The following NSD1 variants were observed in gnomAD, a reference collection of about 807,000 sequenced individuals.
NSD1 encodes histone-lysine N-methyltransferase, H3 lysine-36 specific.
NSD1 carries 26 observed loss-of-function variants against 242.7 expected under a neutral mutation model. The ratio of observed to expected loss-of-function variants is 0.11; its 90% CI spans 0.08 to 0.15. The LOEUF (loss-of-function observed/expected upper bound fraction) is 0.15, where lower values mean the gene tolerates loss of function less well. Among genes scored for constraint, NSD1 ranks in the 10% least tolerant of loss-of-function variants. NSD1 has a pLI of 1.00. For missense variants in NSD1, 2,495 were observed against 3,272.8 expected (o/e 0.76, Z 5.80); for synonymous variants, 1,106 against 1,178.1 (o/e 0.94, Z 1.25).
chr5:177,198,632 T>TGG (rs146774548), intron 3 of NSD1, among the ~76,000 whole-genome samples: 2 of 152,048 alleles, frequency 1.3e-5, no homozygotes, highest in Admixed American at 1.3e-4. Context: ...CACCAACATA[T>TGG]GGGGGGGTCA....
intron 3 of NSD1, among the ~76,000 whole-genome samples, chr5:177,195,857 C>G (rs556490618): frequency 7.8e-4 from 119 of 151,934 alleles, no homozygotes; most frequent in Non-Finnish European, 1.5e-3. Flanking sequence ...GAGTACTGTG[C>G]TAGGTTTTGG....
intron 3 of NSD1, among the ~76,000 whole-genome samples, chr5:177,197,929 A>G (rs1022674610): frequency 6.6e-6 from 1 of 152,166 alleles, no homozygotes; most frequent in African/African-American, 2.4e-5. Flanking sequence ...GGAGACAGAG[A>G]CAGAGAAGGG....
chr5:177,201,200 C>G (rs1001962959), intron 3 of NSD1, among the ~76,000 whole-genome samples: 4 of 151,642 alleles, frequency 2.6e-5, no homozygotes, highest in Non-Finnish European at 5.9e-5. Flanking sequence ...GCATCTGTGT[C>G]TTTTTTGTTG....
chr5:177,156,606 A>G (rs753352199), intron 2 of NSD1, among the ~76,000 whole-genome samples: 1 of 152,208 alleles, frequency 6.6e-6, no homozygotes, highest in Non-Finnish European at 1.5e-5. Context: ...GCTTGAGCCC[A>G]GGAGTTCAAG....
At chr5:177,265,352 A>AT (rs1757334112) in intron 14 of NSD1, 34 of 597,502 alleles carry the variant, frequency 5.7e-5, no homozygotes, top group South Asian at 4.3e-4. Context: ...TATAGTAAGA[A>AT]TTTTTTTTGT....
intron 14 of NSD1, among the ~76,000 whole-genome samples, chr5:177,262,650 A>G (rs1485105295): frequency 6.6e-6 from 1 of 152,222 alleles, no homozygotes; most frequent in Non-Finnish European, 1.5e-5. Context: ...AGGCTGAGGC[A>G]GGCGGATCAC....
chr5:177,204,341 A>G (rs775883188), intron 4 of NSD1, 49 bp downstream of exon 4: 2 of 1,548,238 alleles, frequency 1.3e-6, no homozygotes, highest in African/African-American at 2.7e-5. Context: ...CAAGTAAGAA[A>G]AAGAAAGAAA....
intron 2 of NSD1, among the ~76,000 whole-genome samples, chr5:177,142,187 T>C (rs9885210): frequency 0.36 from 54,805 of 152,056 alleles, 13,168 homozygotes; most frequent in African/African-American, 0.68. Context: ...CATTTACTTC[T>C]GTGTTCATGA....
At chr5:177,199,264 AT>A (rs965995570) in intron 3 of NSD1, among the ~76,000 whole-genome samples, 28 of 149,372 alleles carry the variant, frequency 1.9e-4, no homozygotes, top group African/African-American at 4.2e-4. Flanking sequence ...TCTAATTATT[AT>A]TTTTTTTTTA....
intron 16 of NSD1, 63 bp from the exon 17 acceptor site, chr5:177,273,607 TAA>T (rs1290070973): frequency 7.9e-7 from 1 of 1,265,526 alleles, no homozygotes; most frequent in Non-Finnish European, 1.2e-6. Flanking sequence ...AAGTAAAAAA[TAA>T]GTGAATAAAT....
At chr5:177,212,483 CTCTCT>C (rs1274233589) in intron 5 of NSD1, among the ~76,000 whole-genome samples, 1 of 119,866 alleles carries the variant, frequency 8.3e-6, no homozygotes, top group Non-Finnish European at 1.6e-5. Context: ...CTTTCTCTCT[CTCTCT>C]TTTTTTTTTT....
Position 177,294,861 on chromosome 5 carries a change from G to A in NSD1, c.7493G>A (p.Gly2498Glu). 1 of 1,613,086 alleles carries A rather than the reference G, an allele frequency of 6.2e-7. No individual in the cohort carries two copies. The highest frequency in any genetic ancestry group is 8.5e-7 in the Non-Finnish European group (1 of 1,179,964). ...SSSWPASKGL[G>E]HMPRAVEKGC... Reference sequence around the variant, plus strand: ...TCATGGCCTGCCAGCAAAGGTCTGGGGCATATGCCGAGAGCTGTTGAGAAA... The same window carrying A: ...TCATGGCCTGCCAGCAAAGGTCTGGAGCATATGCCGAGAGCTGTTGAGAAA... Residue 2498 changes from glycine (G) to glutamate (E), a missense_variant, in exon 23 of 23, where the codon GGG becomes GAG. This residue lies in a region of NSD1 where 475 missense variants were observed against 563.7 expected (regional missense o/e 0.84). Coordinates refer to ENST00000439151, the MANE Select transcript of NSD1 (RefSeq NM_022455.5).
chr5:177,197,899 T>C (rs1032863141), intron 3 of NSD1, among the ~76,000 whole-genome samples: 4 of 152,144 alleles, frequency 2.6e-5, no homozygotes, highest in African/African-American at 9.7e-5. Context: ...AGAAGTTAGA[T>C]TGGACTGATT....
chr5:177,259,990 T>A lies in NSD1; in HGVS notation c.4968T>A (p.Gly1656=). The A allele has an allele frequency of 6.2e-7, 1 of 1,614,216 alleles. No homozygotes were observed. The highest frequency in any genetic ancestry group is 8.5e-7 in the Non-Finnish European group (1 of 1,180,036). Residue 1656 remains glycine (G), a splice_region_variant and synonymous_variant, in exon 14 of 23, where the codon GGT becomes GGA. Transcript: ENST00000439151. The part of the protein sequence containing the change: ...ANPANVSASK[G]RLMRCVRCPV... ...TTGTCCCTGATTTTCCTGCTTTAGG[T>A]CGGTTGATGCGCTGTGTCCGCTGTC... is the stretch of plus-strand genomic sequence containing the variant.
chr5:177,204,932 T>G (rs1228566847), intron 4 of NSD1, among the ~76,000 whole-genome samples: 1 of 152,212 alleles, frequency 6.6e-6, no homozygotes, highest in Admixed American at 6.5e-5. Flanking sequence ...CATTCTTTTG[T>G]TATCTTTTAT....
intron 5 of NSD1, among the ~76,000 whole-genome samples, chr5:177,222,406 A>G (rs910694382): frequency 6.6e-6 from 1 of 151,968 alleles, no homozygotes; most frequent in Non-Finnish European, 1.5e-5. Context: ...TCTATATTCA[A>G]CCCTTTGAGT....
In NSD1 at chr5:177,288,917, A is replaced by C. The variant is rs1759552902; in HGVS notation, c.6250A>C (p.Arg2084=). ...GAACTGCAGTGGCTTCTTGGGTGTAAGGCCAAAGGTACCACCCTTCTAGAC... is the reference window on the plus strand; with the variant it reads ...GAACTGCAGTGGCTTCTTGGGTGTACGGCCAAAGGTACCACCCTTCTAGAC... ...APNCSGFLGV[R]PKNQPIATEE... Residue 2084 remains arginine (R), a synonymous_variant, in exon 21 of 23, where the codon AGG becomes CGG. Transcript: ENST00000439151. The C allele has an allele frequency of 6.2e-7, 1 of 1,613,070 alleles. No homozygotes were observed. Among genetic ancestry groups the C allele is most frequent in the Middle Eastern group, 1.6e-4 (1 of 6,062 alleles).
intron 5 of NSD1, among the ~76,000 whole-genome samples, chr5:177,217,689 CAG>C (rs1181314685): frequency 1.6e-5 from 2 of 122,468 alleles, no homozygotes; most frequent in Admixed American, 8.9e-5. Context: ...TTTTTTGAGA[CAG>C]AGTTTCATTC....
intron 2 of NSD1, among the ~76,000 whole-genome samples, chr5:177,186,117 T>TA (rs1020283177): frequency 4.9e-5 from 6 of 121,420 alleles, no homozygotes; most frequent in Admixed American, 2.4e-4. Flanking sequence ...TATATGTATA[T>TA]TTATATATAA....
Sources: gnomAD v4.1 joint callset for allele counts (sites outside exome capture counted in the v4.1 genomes callset) on GRCh38, gnomAD v4.1.1 for gene constraint, gnomAD v4.1.1 regional missense constraint, MANE v1.5 for transcripts, NCBI Gene and HGNC (gene_info 2026-07-23, HGNC 2026-07-21) for gene names.